The following MYH14 variants were observed in gnomAD, a reference collection of about 807,000 sequenced individuals.
The protein encoded by MYH14 is myosin-14.
MYH14 carries 123 observed loss-of-function variants against 255.5 expected under a neutral mutation model. That is an observed-to-expected ratio of 0.48 (90% CI 0.42 to 0.56). The LOEUF is 0.56. MYH14 is among the 20% of genes least tolerant of loss of function. The probability of loss-of-function intolerance (pLI) is 0.00; values close to 1 mark genes in which losing one functional copy is unlikely to be tolerated. For missense variants in MYH14, 2,423 were observed against 2,802.3 expected (o/e 0.86, Z 3.06); for synonymous variants, 1,095 against 1,161.2 (o/e 0.94, Z 1.16).
At chr19:50,272,516 G>T in intron 26 of MYH14, 44 bp from the exon 27 acceptor site, 1 of 1,549,046 alleles carries the variant, frequency 6.5e-7, no homozygotes, top group African/African-American at 1.4e-5. Context: ...GGCTGAGTGT[G>T]CAGGCCTGGA....
chr19:50,307,821 G>T (rs1329101889), intron 41 of MYH14, among the ~76,000 whole-genome samples: 2 of 152,164 alleles, frequency 1.3e-5, no homozygotes, highest in Admixed American at 1.3e-4. Context: ...CAGATCCCAG[G>T]TCTGTCTGGA....
chr19:50,244,435 C>T (rs1212679662), intron 11 of MYH14, 98 bp downstream of exon 11: 5 of 878,396 alleles, frequency 5.7e-6, no homozygotes, highest in African/African-American at 1.7e-5. Context: ...CATCCCCCTT[C>T]CAGCCACACC....
intron 40 of MYH14, among the ~76,000 whole-genome samples, chr19:50,302,576 C>A (rs998800206): frequency 1.4e-5 from 2 of 147,368 alleles, no homozygotes; most frequent in Admixed American, 6.9e-5. Context: ...GAGCCAGACT[C>A]CATTTAAAAA....
intron 14 of MYH14, 95 bp downstream of exon 14, chr19:50,249,918 C>A: frequency 6.8e-7 from 1 of 1,466,026 alleles, no homozygotes; most frequent in Non-Finnish European, 9.4e-7. Flanking sequence ...TCTGCTGGGC[C>A]TCAGGATGCC....
rs200881354 is a variant in MYH14, at chr19:50,293,358, G to A, written c.5345+37G>A. On this transcript the variant is annotated intron_variant, in intron 38 of 42. Coordinates refer to ENST00000642316, the MANE Select transcript of MYH14 (RefSeq NM_001145809.2). The surrounding 1 kb of genome is among the most constrained non-coding windows in gnomAD (Gnocchi z 4.1). ...AAGGGTCTGAAGGCTGAGGTACTGC[G>A]TCTGCAGGAGGTGAAGCTGGGGTAG... 1.7e-5 allele frequency: 26 copies of A among 1,554,176 alleles called. 1 individual carries two copies. The highest frequency in any genetic ancestry group is 1.6e-4 in the East Asian group (7 of 42,832).
In MYH14 at chr19:50,301,719, G is replaced by A. The variant is rs367782658; in HGVS notation, c.5528G>A (p.Ser1843Asn). 3.1e-6 allele frequency: 5 copies of A among 1,613,810 alleles called. No homozygotes were observed. The African/African-American group carries it at 4.0e-5, about 13-fold the overall frequency. The change falls in exon 40 of 43, where the codon AGC (serine) becomes AAC (asparagine). Residue 1843 changes from serine (S) to asparagine (N), a missense_variant. By Grantham distance (46) the Ser-to-Asn change is conservative (BLOSUM62 1). Around this residue, in one of 3 missense-constraint regions of MYH14, gnomAD observed 1,513 missense variants for 1,674.8 expected, o/e 0.90. Coordinates refer to ENST00000642316, the MANE Select transcript of MYH14 (RefSeq NM_001145809.2). Reference sequence around the variant, plus strand: ...CGCAGTTTCTCAGCCAAGGCAGAGAGCGGGCGGCAGCAGCTGGAACGGCAG... The same window carrying A: ...CGCAGTTTCTCAGCCAAGGCAGAGAACGGGCGGCAGCAGCTGGAACGGCAG... Reference protein sequence around the residue: ...AERSFSAKAESGRQQLERQIQ... With the variant: ...AERSFSAKAENGRQQLERQIQ...
At chr19:50,291,073 G>C (rs1157136332) in intron 36 of MYH14, 25 bp downstream of exon 36, 1 of 1,609,164 alleles carries the variant, frequency 6.2e-7, no homozygotes, top group East Asian at 2.2e-5. Flanking sequence ...GAGCTGCAGG[G>C]AGGGGAGGCT....
chr19:50,253,877 A>G (rs556359208), intron 16 of MYH14, among the ~76,000 whole-genome samples: 1 of 152,182 alleles, frequency 6.6e-6, no homozygotes, highest in Non-Finnish European at 1.5e-5. Flanking sequence ...TTTTATTGAC[A>G]TGAAAAGGTA....
intron 16 of MYH14, among the ~76,000 whole-genome samples, chr19:50,254,272 C>T (rs533392778): frequency 6.6e-6 from 1 of 151,868 alleles, no homozygotes; most frequent in South Asian, 2.1e-4. Flanking sequence ...GTGAGTGGTT[C>T]CCAAAACACA....
intron 33 of MYH14, chr19:50,284,679 T>A (rs1251774594): frequency 6.6e-6 from 1 of 151,064 alleles, no homozygotes; most frequent in Non-Finnish European, 1.5e-5. Flanking sequence ...CATGAGCCAC[T>A]GCACCCGGCC....
chr19:50,272,800 A>G (rs1172892615), intron 27 of MYH14, 69 bp downstream of exon 27: 2 of 1,474,112 alleles, frequency 1.4e-6, no homozygotes, highest in Admixed American at 4.0e-5. Context: ...GGGGTGCCCA[A>G]GTCAGAAGCT....
chr19:50,278,346 C>T, intron 30 of MYH14, 57 bp downstream of exon 30: 1 of 1,279,208 alleles, frequency 7.8e-7, no homozygotes, highest in African/African-American at 1.5e-5. Flanking sequence ...GACATGCCTG[C>T]CCTCTCTGGG....
chr19:50,231,418 G>A (rs1242700181), intron 9 of MYH14, among the ~76,000 whole-genome samples: 2 of 152,258 alleles, frequency 1.3e-5, no homozygotes, highest in East Asian at 3.9e-4. Flanking sequence ...GAGCAAAGAG[G>A]AGTGGTATAC....
chr19:50,230,779 T>C lies in MYH14; in HGVS notation c.973+156T>C. 1 of 642,600 alleles carries C rather than the reference T, an allele frequency of 1.6e-6. No individual in the cohort carries two copies. Among genetic ancestry groups the C allele is most frequent in the Non-Finnish European group, 2.7e-6 (1 of 366,924 alleles). 39.8% of individuals were successfully genotyped at this position (642,600 alleles called of 1,614,324 possible). A position where few individuals can be genotyped will look rare whatever the true frequency, so the allele number is the denominator to read the frequency against. ...TCCCGCAGCCCCTGCTCTCGCTGCG[T>C]AGTGGCGTCTGTCGCACGGTGGGTT... On this transcript the variant is annotated intron_variant, in intron 9 of 42. Coordinates refer to ENST00000642316, the MANE Select transcript of MYH14 (RefSeq NM_001145809.2). This position sits in a 1 kb window ranked among gnomAD's most constrained non-coding sequence, Gnocchi z 4.7.
intron 1 of MYH14, among the ~76,000 whole-genome samples, chr19:50,206,959 A>G (rs2123138985): frequency 6.7e-6 from 1 of 150,196 alleles, no homozygotes; most frequent in East Asian, 2.0e-4. Context: ...CATGTCTGTA[A>G]TCCCAGCACT....
Position 50,293,494 on chromosome 19 carries a change from G to A in MYH14, c.5346-70G>A. ...TGCGTGGGGCTAACCACAGGGTCCT[G>A]TAGTGTGAGGCAAGGCACCCTCCTC... is the stretch of plus-strand genomic sequence containing the variant. On this transcript the variant is annotated intron_variant, in intron 38 of 42. Transcript: ENST00000642316. This position sits in a 1 kb window ranked among gnomAD's most constrained non-coding sequence, Gnocchi z 4.1. 1.9e-6 allele frequency: 3 copies of A among 1,594,952 alleles called. No homozygotes were observed. Among genetic ancestry groups the A allele is most frequent in the Admixed American group, 1.7e-5 (1 of 57,394 alleles).
chr19:50,223,013 G>A lies in MYH14; in HGVS notation c.563-70G>A, dbSNP rs73582377. 8.2e-5 allele frequency: 118 copies of A among 1,436,278 alleles called. No homozygotes were observed. In the African/African-American group the frequency reaches 1.6e-3, roughly 19 times the overall value. The allele number at this position is 1,436,278 out of a possible 1,614,324, so 89.0% of individuals were successfully genotyped here. A position where few individuals can be genotyped will look rare whatever the true frequency, so the allele number is the denominator to read the frequency against. ...AATAATTTTTAAAATGCAGCGGCCA[G>A]TGTAAGGGACCAGAGGGCCCTGCTA... On this transcript the variant is annotated intron_variant, in intron 3 of 42. Transcript: ENST00000642316.
intron 3 of MYH14, among the ~76,000 whole-genome samples, chr19:50,222,851 C>T (rs1238147818): frequency 1.3e-5 from 2 of 152,140 alleles, no homozygotes; most frequent in African/African-American, 4.8e-5. Context: ...CTCCATTTTA[C>T]GGGTGAGGAA....
At chr19:50,278,865 G>A (rs945229982) in intron 30 of MYH14, among the ~76,000 whole-genome samples, 2 of 151,254 alleles carry the variant, frequency 1.3e-5, no homozygotes, top group Admixed American at 6.6e-5. Context: ...GCGCATGCCT[G>A]TAATCCCAGC....
Sources: gnomAD v4.1 joint callset for allele counts (sites outside exome capture counted in the v4.1 genomes callset) on GRCh38, gnomAD v4.1.1 for gene constraint, gnomAD v4.1.1 regional missense constraint, Gnocchi (gnomAD v3.1) non-coding constraint, MANE v1.5 for transcripts, NCBI Gene and HGNC (gene_info 2026-07-23, HGNC 2026-07-21) for gene names.